The following PCDHA6 variants were observed in gnomAD, a reference collection of about 807,000 sequenced individuals.
The protein encoded by PCDHA6 is protocadherin alpha-6.
A neutral mutation model predicts 60.3 loss-of-function variants in PCDHA6; 55 were observed. The ratio of observed to expected loss-of-function variants is 0.91; its 90% confidence interval spans 0.73 to 1.14. PCDHA6 has a LOEUF of 1.14. Among genes scored for constraint, PCDHA6 ranks in the 50% most tolerant of loss-of-function variants. The probability of loss-of-function intolerance (pLI) is 0.00; values close to 1 mark genes in which losing one functional copy is unlikely to be tolerated. For synonymous variants in PCDHA6, 652 were observed against 557.9 expected (o/e 1.17, Z -2.38); for missense variants, 1,327 against 1,256.5 (o/e 1.06, Z -0.85).
intron 1 of PCDHA6, chr5:140,841,827 C>T: frequency 6.2e-7 from 1 of 1,613,914 alleles, no homozygotes; most frequent in Non-Finnish European, 8.5e-7. Flanking sequence ...TCCGTGTTAA[C>T]CTACAGGCTT....
chr5:140,860,424 C>T (rs1554153356), intron 1 of PCDHA6: 1 of 152,034 alleles, frequency 6.6e-6, no homozygotes, highest in Non-Finnish European at 1.5e-5. Flanking sequence ...CATTATCCTG[C>T]AAATATGATC....
intron 2 of PCDHA6, among the ~76,000 whole-genome samples, chr5:140,981,839 A>T (rs950232298): frequency 6.6e-6 from 1 of 152,116 alleles, no homozygotes; most frequent in Non-Finnish European, 1.5e-5. Flanking sequence ...AAGGTCTCCC[A>T]GTTTGTATCT....
chr5:140,959,578 A>G (rs1554224156), intron 1 of PCDHA6, among the ~76,000 whole-genome samples: 1 of 152,188 alleles, frequency 6.6e-6, no homozygotes, highest in Non-Finnish European at 1.5e-5. Flanking sequence ...TTTTGTTTCA[A>G]TTCTATCAGC....
chr5:140,982,373 T>C, intron 2 of PCDHA6, 102 bp from the exon 3 acceptor site: 1 of 1,559,640 alleles, frequency 6.4e-7, no homozygotes, highest in Non-Finnish European at 8.7e-7. Context: ...ATGTGTTAGC[T>C]GCAGCCCTGG....
Position 141,010,029 on chromosome 5 carries a change from A to G in PCDHA6, c.*92A>G, listed in dbSNP as rs2098415771. 1.1e-5 allele frequency: 17 copies of G among 1,580,452 alleles called. No individual in the cohort carries two copies. In the Admixed American group the frequency reaches 3.1e-4, roughly 29 times the overall value. On this transcript the variant is annotated 3_prime_UTR_variant, in exon 4 of 4. Coordinates refer to ENST00000529310, the MANE Select transcript of PCDHA6 (RefSeq NM_018909.4). ...AATTCCCTGCTCCTTTTTCCTATCT[A>G]CATGAGCCCTCTTAGAGACCTCAGA...
intron 3 of PCDHA6, among the ~76,000 whole-genome samples, chr5:141,005,571 G>A (rs1053042213): frequency 4.0e-5 from 6 of 151,334 alleles, no homozygotes; most frequent in African/African-American, 4.9e-5. Context: ...GCATGGTGGC[G>A]CGTGCCTGTA....
chr5:140,875,198 G>T (rs782209612), intron 1 of PCDHA6: 16 of 552,110 alleles, frequency 2.9e-5, no homozygotes, highest in Non-Finnish European at 4.5e-5. Flanking sequence ...GACCCAGGAA[G>T]TGGCTAAACC....
chr5:140,965,672 A>G (rs1586083629), intron 1 of PCDHA6, among the ~76,000 whole-genome samples: 1 of 152,360 alleles, frequency 6.6e-6, no homozygotes, highest in South Asian at 2.1e-4. Context: ...TGATAAATGT[A>G]AAAGATTTGA....
At chr5:141,007,498 G>T (rs936217793) in intron 3 of PCDHA6, among the ~76,000 whole-genome samples, 2 of 151,942 alleles carry the variant, frequency 1.3e-5, no homozygotes, top group Admixed American at 1.3e-4. Context: ...GACCTAGGAG[G>T]CAGAGACTGC....
intron 1 of PCDHA6, among the ~76,000 whole-genome samples, chr5:140,942,616 T>C (rs2093340049): frequency 1.0e-5 from 1 of 99,878 alleles, no homozygotes. Context: ...TATTTGCCAA[T>C]TGTAAAAAAA....
At chr5:140,841,684 G>C in intron 1 of PCDHA6, 1 of 1,613,954 alleles carries the variant, frequency 6.2e-7, no homozygotes, top group South Asian at 1.1e-5. Context: ...ATGTGGACGT[G>C]GAGGTGAAGG....
At chr5:140,867,824 G>A (rs1258393601) in intron 1 of PCDHA6, 1 of 151,982 alleles carries the variant, frequency 6.6e-6, no homozygotes, top group African/African-American at 2.4e-5. Flanking sequence ...ATTTCCACAA[G>A]CACTAAGGTA....
intron 1 of PCDHA6, chr5:140,863,340 G>T: frequency 7.4e-7 from 1 of 1,360,462 alleles, no homozygotes. Flanking sequence ...TCACGTTGCT[G>T]CTGTACACGA....
In PCDHA6 at chr5:141,000,418, TATA is replaced by T. The variant is rs1442097844; in HGVS notation, c.2543-9208_2543-9206del. 6.0e-3 allele frequency among the ~76,000 whole-genome samples: 500 copies of T among 83,616 alleles called. 3 individuals are homozygous for T. The highest frequency in any genetic ancestry group is 7.2e-3 in the African/African-American group (142 of 19,618). 54.9% of individuals were successfully genotyped at this position (83,616 alleles called of 152,430 possible). A position where few individuals can be genotyped will look rare whatever the true frequency, so the allele number is the denominator to read the frequency against. ...CTCTATATATATATATATATATATA[TATA>T]TTTTTTTTTTTTTTTTTTTTTTTGA... On this transcript the variant is annotated intron_variant, in intron 3 of 3. Coordinates refer to ENST00000529310, the MANE Select transcript of PCDHA6 (RefSeq NM_018909.4).
intron 1 of PCDHA6, chr5:140,877,895 G>T (rs1554170219): frequency 1.4e-6 from 2 of 1,447,634 alleles, no homozygotes; most frequent in South Asian, 3.1e-5. Context: ...TTCCGTTTAG[G>T]TTATAACTAC....
In PCDHA6 at chr5:141,010,033, G is replaced by A. The variant is rs2098415819; in HGVS notation, c.*96G>A. 1.9e-6 allele frequency: 3 copies of A among 1,581,924 alleles called. No homozygotes were observed. The South Asian group carries it at 3.6e-5, about 19-fold the overall frequency. ...CCCTGCTCCTTTTTCCTATCTACAT[G>A]AGCCCTCTTAGAGACCTCAGAAATC... On this transcript the variant is annotated 3_prime_UTR_variant, in exon 4 of 4. Transcript: ENST00000529310.
chr5:140,937,160 C>T lies in PCDHA6; in HGVS notation c.2395-41789C>T, dbSNP rs767846084. Among the ~76,000 whole-genome samples the T allele has an allele frequency of 1.0e-3, 155 of 151,762 alleles. 1 individual carries two copies. Among genetic ancestry groups the T allele is most frequent in the Admixed American group, 4.7e-3 (71 of 15,248 alleles). ...TCATGCCATTCTCCTGCCTCAGCCT[C>T]CCGAGTAGCTGGGACTACAGGCGCC... On this transcript the variant is annotated intron_variant, in intron 1 of 3. Coordinates refer to ENST00000529310, the MANE Select transcript of PCDHA6 (RefSeq NM_018909.4).
rs782253021 is a variant in PCDHA6, at chr5:140,836,724, T to A, written c.2394+6239T>A. 4.3e-6 allele frequency: 7 copies of A among 1,611,936 alleles called. No individual in the cohort carries two copies. The Admixed American group carries it at 5.0e-5, about 12-fold the overall frequency. On this transcript the variant is annotated intron_variant, in intron 1 of 3. Coordinates refer to ENST00000529310, the MANE Select transcript of PCDHA6 (RefSeq NM_018909.4). ...CAGTCCCAGCCTTCCTCAGGGTCCATCCTCTACAGACAATGTGAGTCATAA... is the reference window on the plus strand; with the variant it reads ...CAGTCCCAGCCTTCCTCAGGGTCCAACCTCTACAGACAATGTGAGTCATAA...
chr5:140,876,029 A>C, intron 1 of PCDHA6: 1 of 1,613,700 alleles, frequency 6.2e-7, no homozygotes, highest in Non-Finnish European at 8.5e-7. Context: ...AAAACAAAAA[A>C]AGATAAAAGT....
Sources: gnomAD v4.1 joint callset for allele counts (sites outside exome capture counted in the v4.1 genomes callset) on GRCh38, gnomAD v4.1.1 for gene constraint, MANE v1.5 for transcripts, NCBI Gene and HGNC (gene_info 2026-07-23, HGNC 2026-07-21) for gene names.